DRP2: variants seen among roughly 807,000 people sequenced by gnomAD.
DRP2 encodes dystrophin-related protein 2.
A neutral mutation model predicts 78.2 loss-of-function variants in DRP2; 29 were observed. The ratio of observed to expected loss-of-function variants is 0.37; its 90% CI spans 0.28 to 0.51. The LOEUF (loss-of-function observed/expected upper bound fraction) is 0.51, where lower values mean the gene tolerates loss of function less well. Among genes scored for constraint, DRP2 ranks in the 20% least tolerant of loss-of-function variants. The probability of loss-of-function intolerance (pLI) is 0.94; values close to 1 mark genes in which losing one functional copy is unlikely to be tolerated. For synonymous variants in DRP2, 290 were observed against 281.9 expected, an observed-to-expected ratio of 1.03 and a Z score of -0.29; for missense variants, 686 against 770.6, an observed-to-expected ratio of 0.89 and a Z score of 1.30.
chrX:101,223,522 C>T, intron 1 of DRP2, among the ~76,000 whole-genome samples: 1 of 111,790 alleles, frequency 8.9e-6, no homozygotes. Flanking sequence ...GTGACAATTT[C>T]TACTGGGTAA....
chrX:101,241,851 G>C lies in DRP2; in HGVS notation c.743G>C (p.Ser248Thr). The C allele has an allele frequency of 8.4e-7, 1 of 1,195,145 alleles. No homozygotes were observed. The change falls in exon 7 of 24, where the codon AGC becomes ACC. Residue 248 changes from serine to threonine, a missense_variant. Ser to Thr is a moderately conservative substitution (Grantham distance 58). Coordinates refer to ENST00000395209, the MANE Select transcript of DRP2 (RefSeq NM_001939.3). ...ATGGAGGAACTAAGCACTACTCTGAGCCAAGCTGAGGGAGTCCGAGCCACT... is the reference window on the plus strand; with the variant it reads ...ATGGAGGAACTAAGCACTACTCTGACCCAAGCTGAGGGAGTCCGAGCCACT... ...GAMEELSTTL[S>T]QAEGVRATWE...
intron 16 of DRP2, among the ~76,000 whole-genome samples, chrX:101,252,184 C>T (rs907889114): frequency 1.5e-4 from 17 of 112,140 alleles, no homozygotes; most frequent in Non-Finnish European, 3.2e-4. Context: ...CCAACTTAGC[C>T]AAGGCTGGTA....
At chrX:101,254,608 C>G in intron 18 of DRP2, 47 bp downstream of exon 18, 2 of 1,206,028 alleles carry the variant, frequency 1.7e-6, no homozygotes, top group Non-Finnish European at 2.2e-6. Flanking sequence ...CTCACTGAGC[C>G]CGATCGTATG....
At position 101,251,006 on chromosome X, in the gene DRP2, T is replaced by C. The variant is rs1464425179; in HGVS notation, c.1788T>C (p.His596=). 8.3e-7 allele frequency: 1 copy of C among 1,210,150 alleles called. No individual in the cohort carries two copies. Among genetic ancestry groups the C allele is most frequent in the African/African-American group, 1.7e-5 (1 of 57,146 alleles). The change falls in exon 16 of 24, where the codon CAT becomes CAC. Residue 596 remains histidine (H), a synonymous_variant. Coordinates refer to ENST00000395209, the MANE Select transcript of DRP2 (RefSeq NM_001939.3). The stretch of plus-strand genomic sequence containing the variant: ...CCATGGTGTGGCTGGCTGTTCTGCA[T>C]CGGGTCACCATTGCTGAGCAAGTGA... ...PQSMVWLAVL[H]RVTIAEQVKH...
rs191768020 is a variant in DRP2 at position 101,231,961 on chromosome X, G to C, written c.117+197G>C. 9.9e-5 allele frequency among the ~76,000 whole-genome samples: 11 copies of C among 111,379 alleles called. No homozygotes were observed. The East Asian group carries it at 1.7e-3, about 17-fold the overall frequency. The stretch of plus-strand genomic sequence containing the variant: ...TATTGGGGGGCATAAGGAAAGGAAG[G>C]GTGTTGGGCTGGGCAGCTCAGAGGG... On this transcript the variant is annotated intron_variant, in intron 3 of 23. Coordinates refer to ENST00000395209, the MANE Select transcript of DRP2 (RefSeq NM_001939.3).
chrX:101,239,153 T>A, intron 6 of DRP2, 52 bp downstream of exon 6: 1 of 1,161,495 alleles, frequency 8.6e-7, no homozygotes, highest in Non-Finnish European at 1.2e-6. Flanking sequence ...TACTGCTGAA[T>A]GCTGAACAAA....
chrX:101,257,062 G>A (rs1000667961), intron 21 of DRP2, among the ~76,000 whole-genome samples: 13 of 109,864 alleles, frequency 1.2e-4, no homozygotes, highest in Non-Finnish European at 2.5e-4. Context: ...GTCTGGAATA[G>A]GGATGGTGAA....
At chrX:101,239,568 C>A (rs933037614) in intron 6 of DRP2, among the ~76,000 whole-genome samples, 9 of 111,150 alleles carry the variant, frequency 8.1e-5, no homozygotes, top group African/African-American at 2.3e-4. Context: ...CATAGTGAGA[C>A]CCCCATCTCT....
Position 101,264,485 on chromosome X carries a change from T to C in DRP2, c.*3864T>C, listed in dbSNP as rs1923671627. 1 of 111,915 alleles carries C rather than the reference T, an allele frequency of 8.9e-6. No individual in the cohort carries two copies. Among genetic ancestry groups the C allele is most frequent in the African/African-American group, 3.3e-5 (1 of 30,753 alleles). 9.2% of individuals were successfully genotyped at this position (111,915 alleles called of 1,213,427 possible). A position where few individuals can be genotyped will look rare whatever the true frequency, so the allele number is the denominator to read the frequency against. Reference sequence around the variant, plus strand: ...GAATTCTGCTTTGAAAAGAATAAATTTGTACTTGTTTACTTTGGTTCCTCT... The same window carrying C: ...GAATTCTGCTTTGAAAAGAATAAATCTGTACTTGTTTACTTTGGTTCCTCT... On this transcript the variant is annotated 3_prime_UTR_variant, in exon 24 of 24. Transcript: ENST00000395209.
intron 1 of DRP2, among the ~76,000 whole-genome samples, chrX:101,223,245 C>T (rs1921957177): frequency 8.9e-6 from 1 of 111,789 alleles, no homozygotes; most frequent in Admixed American, 9.5e-5. Context: ...ATGTAGTCCT[C>T]CTGCCTCAGC....
intron 5 of DRP2, 117 bp downstream of exon 5, chrX:101,237,892 T>C: frequency 1.4e-6 from 1 of 730,725 alleles, no homozygotes; most frequent in Non-Finnish European, 1.8e-6. Context: ...TAGGAGGCTG[T>C]ATGCAGTCCT....
At chrX:101,231,184 C>T (rs192586315) in intron 2 of DRP2, among the ~76,000 whole-genome samples, 1 of 112,758 alleles carries the variant, frequency 8.9e-6, no homozygotes, top group African/African-American at 3.2e-5. Flanking sequence ...CAAGTGTGCT[C>T]TTTCTGAAAT....
At chrX:101,250,205 T>TCTTTGTGTTG (rs1923079874) in intron 14 of DRP2, among the ~76,000 whole-genome samples, 1 of 111,368 alleles carries the variant, frequency 9.0e-6, no homozygotes, top group Admixed American at 9.5e-5. Flanking sequence ...TGATATTCTC[T>TCTTTGTGTTG]CTTTGTGTTG....
intron 16 of DRP2, chrX:101,251,293 A>G (rs1602931318): frequency 2.6e-6 from 1 of 378,879 alleles, no homozygotes; most frequent in East Asian, 4.7e-5. Flanking sequence ...TAGTTGTATT[A>G]TAAAGTATTA....
At chrX:101,245,890 C>T (rs1162327974) in intron 11 of DRP2, among the ~76,000 whole-genome samples, 2 of 111,443 alleles carry the variant, frequency 1.8e-5, no homozygotes, top group Non-Finnish European at 3.8e-5. Context: ...TAAAAATTTG[C>T]TAAAAAGGTA....
chrX:101,221,064 G>T (rs919403707), intron 1 of DRP2, among the ~76,000 whole-genome samples: 11 of 111,841 alleles, frequency 9.8e-5, no homozygotes, highest in African/African-American at 3.3e-4. Flanking sequence ...CCTCACAGGT[G>T]TTGGGTCTAA....
At chrX:101,249,278 A>G (rs1923046372) in intron 14 of DRP2, among the ~76,000 whole-genome samples, 1 of 112,365 alleles carries the variant, frequency 8.9e-6, no homozygotes, top group Admixed American at 9.4e-5. Flanking sequence ...TACTGATGAG[A>G]ATAATCCAAA....
At position 101,258,369 on chromosome X, in the gene DRP2, C is replaced by G. The variant is rs1377893538; in HGVS notation, c.2451C>G (p.Pro817=). ...KWQHEEAAEA[P]SLADGSTEAA... ...AGCATGAGGAGGCAGCTGAGGCACC[C>G]AGTCTGGCTGACGGCTCCACTGAGG... The change falls in exon 22 of 24, where the codon CCC becomes CCG. Residue 817 remains proline, a synonymous_variant. Coordinates refer to ENST00000395209, the MANE Select transcript of DRP2 (RefSeq NM_001939.3). 2.5e-6 allele frequency: 3 copies of G among 1,200,689 alleles called. No individual in the cohort carries two copies. The highest frequency in any genetic ancestry group is 3.4e-6 in the Non-Finnish European group (3 of 889,939).
chrX:101,251,048 C>G lies in DRP2; in HGVS notation c.1830C>G (p.Cys610Trp). 8.3e-7 allele frequency: 1 copy of G among 1,211,433 alleles called. No homozygotes were observed. The highest frequency in any genetic ancestry group is 1.1e-6 in the Non-Finnish European group (1 of 895,345). Residue 610 changes from cysteine to tryptophan, a missense_variant, in exon 16 of 24, where the codon TGC (cysteine) becomes TGG (tryptophan). Around this residue, in one of 2 missense-constraint regions of DRP2, gnomAD observed 423 missense variants for 531.5 expected, o/e 0.80. Transcript: ENST00000395209. ...IAEQVKHQTK[C>W]SICRQCPIKG... ...AGCAAGTGAAGCATCAGACCAAGTGCTCTATCTGTAGGCAGTGCCCCATCA... is the reference window on the plus strand; with the variant it reads ...AGCAAGTGAAGCATCAGACCAAGTGGTCTATCTGTAGGCAGTGCCCCATCA...
Sources: gnomAD v4.1 joint callset for allele counts (sites outside exome capture counted in the v4.1 genomes callset) on GRCh38, gnomAD v4.1.1 for gene constraint, gnomAD v4.1.1 regional missense constraint, MANE v1.5 for transcripts, NCBI Gene and HGNC (gene_info 2026-07-23, HGNC 2026-07-21) for gene names.